TTC39A: variants seen among roughly 807,000 people sequenced by gnomAD.
TTC39A encodes tetratricopeptide repeat protein 39A.
TTC39A carries 46 observed loss-of-function variants against 82.3 expected under a neutral mutation model. The observed-to-expected ratio is 0.56, with a 90% CI of 0.44 to 0.71. The LOEUF is 0.71. Ranked by LOEUF, TTC39A falls within the 30% of genes least tolerant of loss-of-function variation. TTC39A has a pLI of 0.00. For missense variants in TTC39A, 543 were observed against 712.9 expected, an observed-to-expected ratio of 0.76 and a Z score of 2.71; for synonymous variants, 254 against 275.2, an observed-to-expected ratio of 0.92 and a Z score of 0.76.
chr1:51,335,599 C>G (rs1645965128), upstream of TTC39A, among the ~76,000 whole-genome samples: 1 of 150,616 alleles, frequency 6.6e-6, no homozygotes. Context: ...TAATAAATAC[C>G]TATTAAGTGA....
chr1:51,300,242 G>C (rs1644600179), intron 12 of TTC39A: 1 of 152,312 alleles, frequency 6.6e-6, no homozygotes, highest in South Asian at 2.1e-4. Context: ...GTGTGGTGTG[G>C]AGGACATGAC....
chr1:51,317,832 C>T (rs748230150), intron 2 of TTC39A, among the ~76,000 whole-genome samples: 2 of 152,192 alleles, frequency 1.3e-5, no homozygotes, highest in Non-Finnish European at 2.9e-5. Context: ...ACAGAAGCTG[C>T]ACTACTTCCC....
upstream of TTC39A, chr1:51,331,701 C>G: frequency 2.0e-6 from 2 of 985,422 alleles, no homozygotes; most frequent in Non-Finnish European, 2.4e-6. Flanking sequence ...GGGGCAGATG[C>G]TCACTTGCAA....
Position 51,288,675 on chromosome 1 carries a change from C to G in TTC39A, c.1610+164G>C, listed in dbSNP as rs887256077. Among the ~76,000 whole-genome samples the G allele has an allele frequency of 1.3e-5, 2 of 152,208 alleles. No homozygotes were observed. The highest frequency in any genetic ancestry group is 4.8e-5 in the African/African-American group (2 of 41,452). On this transcript the variant is annotated intron_variant, in intron 17 of 17. Coordinates refer to ENST00000680483, the MANE Select transcript of TTC39A (RefSeq NM_001297663.2). This position sits in a 1 kb window ranked among gnomAD's most constrained non-coding sequence, Gnocchi z 4.8. Reference sequence around the variant, plus strand: ...CATTAAGAAAGAAGTCTTCCTATGACAGGCGAGAGCTGGATTCCGAGGGAC... The same window carrying G: ...CATTAAGAAAGAAGTCTTCCTATGAGAGGCGAGAGCTGGATTCCGAGGGAC...
chr1:51,313,023 C>G, intron 2 of TTC39A, 80 bp from the exon 3 acceptor site: 4 of 1,549,992 alleles, frequency 2.6e-6, no homozygotes, highest in Non-Finnish European at 3.5e-6. Flanking sequence ...CATCTCCACC[C>G]TCCTCCATTC....
chr1:51,336,942 G>T (rs1338121283), intron 1 of TTC39A, among the ~76,000 whole-genome samples: 1 of 152,180 alleles, frequency 6.6e-6, no homozygotes, highest in Non-Finnish European at 1.5e-5. Context: ...AGAATTGCTT[G>T]AGGCCAGAAG....
At chr1:51,328,085 C>T (rs2148303116) in intron 1 of TTC39A, among the ~76,000 whole-genome samples, 1 of 152,292 alleles carries the variant, frequency 6.6e-6, no homozygotes, top group African/African-American at 2.4e-5. Context: ...CAGTGGCTTA[C>T]TCCTGTAATC....
At chr1:51,330,930 C>T, upstream of TTC39A, 1 of 620,150 alleles carries the variant, frequency 1.6e-6, no homozygotes. This position sits in a 1 kb window ranked among gnomAD's most constrained non-coding sequence, Gnocchi z 4.5. Flanking sequence ...TTAATGGGGG[C>T]ATTCGTGCAG....
intron 1 of TTC39A, among the ~76,000 whole-genome samples, chr1:51,324,189 C>T (rs1012322858): frequency 6.6e-6 from 1 of 152,158 alleles, no homozygotes; most frequent in Non-Finnish European, 1.5e-5. Flanking sequence ...ACCAGAAATG[C>T]TGTCTAACTT....
chr1:51,322,284 G>T, intron 1 of TTC39A: 1 of 1,437,124 alleles, frequency 7.0e-7, no homozygotes, highest in Non-Finnish European at 9.2e-7. Context: ...CCCTGACGTT[G>T]TCACAATGGG....
chr1:51,329,056 C>T (rs1221161194), intron 1 of TTC39A, among the ~76,000 whole-genome samples: 2 of 152,198 alleles, frequency 1.3e-5, no homozygotes, highest in Non-Finnish European at 2.9e-5. Flanking sequence ...GACCCACCAG[C>T]GTGAGAAGAG....
Position 51,290,048 on chromosome 1 carries a change from G to A in TTC39A, c.1450C>T (p.Arg484Cys), listed in dbSNP as rs143899586. The change falls in exon 16 of 18, where the codon CGT becomes TGT. Residue 484 changes from arginine (R) to cysteine (C), a missense_variant. Arg to Cys is a radical substitution (Grantham distance 180). Coordinates refer to ENST00000680483, the MANE Select transcript of TTC39A (RefSeq NM_001297663.2). ...AAATTCTCCTCGGCCTCCTGGACAC[G>A]GCCCAGGTATTTCAGACACAGGCCT... is the stretch of plus-strand genomic sequence containing the variant. ...LKGLCLKYLGRVQEAEENFRS... is the reference protein window; with the variant it reads ...LKGLCLKYLGCVQEAEENFRS... The A allele has an allele frequency of 2.4e-5, 39 of 1,613,870 alleles. No homozygotes were observed. Among genetic ancestry groups the A allele is most frequent in the South Asian group, 8.8e-5 (8 of 91,068 alleles).
In TTC39A at chr1:51,301,683, C is replaced by T. The variant is rs1411658419; in HGVS notation, c.942G>A (p.Gln314=). The T allele has an allele frequency of 5.6e-6, 9 of 1,613,412 alleles. No individual in the cohort carries two copies. The highest frequency in any genetic ancestry group is 7.6e-6 in the Non-Finnish European group (9 of 1,179,392). ...ECCEAQQHWK[Q]FHHMCYWELM... ...GCTCCCAGTAGCACATGTGGTGGAA[C>T]TGCTTCCAGTGCTGCTGGGCCTCAC... Residue 314 remains glutamine, a synonymous_variant, in exon 12 of 18, where the codon CAG becomes CAA. Transcript: ENST00000680483.
chr1:51,317,037 C>T (rs1410283411), intron 2 of TTC39A, among the ~76,000 whole-genome samples: 1 of 152,162 alleles, frequency 6.6e-6, no homozygotes, highest in Non-Finnish European at 1.5e-5. Context: ...AGACTCAGTG[C>T]TAAGTGAAAT....
intron 12 of TTC39A, 199 bp downstream of exon 12, chr1:51,301,373 A>G (rs1644649216): frequency 1.7e-6 from 1 of 600,916 alleles, no homozygotes; most frequent in South Asian, 2.7e-5. Context: ...GTGACTAGAA[A>G]TCTCTTTGTG....
chr1:51,308,100 C>A (rs1462673553), intron 6 of TTC39A, among the ~76,000 whole-genome samples: 1 of 152,134 alleles, frequency 6.6e-6, no homozygotes, highest in African/African-American at 2.4e-5. Flanking sequence ...AGATTGCTGT[C>A]ACTGTAAATT....
chr1:51,341,409 A>G (rs72906191), intron 1 of TTC39A, among the ~76,000 whole-genome samples: 2,192 of 152,216 alleles, frequency 0.014, 57 homozygotes, highest in African/African-American at 0.051. Flanking sequence ...AAAGCAACTC[A>G]ACCTCAGATC....
chr1:51,302,240 G>GCCCCCCCCCCCCCCCCCCCCCCCCC, intron 11 of TTC39A, 117 bp downstream of exon 11: 1 of 623,716 alleles, frequency 1.6e-6, no homozygotes, highest in Non-Finnish European at 2.9e-6. Context: ...TTCTCTCTTG[G>GCCCCCCCCCCCCCCCCCCCCCCCCC]CCCCCCCCCC....
rs1371490907 is a variant in TTC39A at position 51,294,192 on chromosome 1, T to C, written c.1266+199A>G. On this transcript the variant is annotated intron_variant, in intron 14 of 17. Coordinates refer to ENST00000680483, the MANE Select transcript of TTC39A (RefSeq NM_001297663.2). This position sits in a 1 kb window ranked among gnomAD's most constrained non-coding sequence, Gnocchi z 4.3. ...CTGCCTTTTATCTGCAGCCTGCCTG[T>C]CTCTCCACTCTCAGCCCCAATGGAC... Among the ~76,000 whole-genome samples the C allele has an allele frequency of 1.1e-4, 16 of 152,110 alleles. No individual in the cohort carries two copies. The highest frequency in any genetic ancestry group is 1.0e-3 in the Admixed American group (16 of 15,280).
Sources: gnomAD v4.1 joint callset for allele counts (sites outside exome capture counted in the v4.1 genomes callset) on GRCh38, gnomAD v4.1.1 for gene constraint, Gnocchi (gnomAD v3.1) non-coding constraint, MANE v1.5 for transcripts, NCBI Gene and HGNC (gene_info 2026-07-23, HGNC 2026-07-21) for gene names.